GTF2IRD2: variants seen among roughly 807,000 people sequenced by gnomAD.
GTF2IRD2 encodes GTF2I repeat domain containing 2.
Under a neutral mutation model 49.2 loss-of-function variants are expected in GTF2IRD2, and 8 were observed. The ratio of observed to expected loss-of-function variants is 0.16; its 90% CI spans 0.10 to 0.29. The LOEUF is 0.29. Among genes scored for constraint, GTF2IRD2 ranks in the 10% least tolerant of loss-of-function variants. GTF2IRD2 has a pLI of 1.00. For missense variants in GTF2IRD2, 130 were observed against 725.7 expected, an observed-to-expected ratio of 0.18 and a Z score of 9.43; for synonymous variants, 47 against 289.7, an observed-to-expected ratio of 0.16 and a Z score of 8.51.
At chr7:74,809,883 T>C (rs1798021880) in intron 10 of GTF2IRD2, among the ~76,000 whole-genome samples, 2 of 91,620 alleles carry the variant, frequency 2.2e-5, no homozygotes, top group Non-Finnish European at 4.7e-5. Flanking sequence ...AGCCTCCGCC[T>C]CCTAGTTTCA....
intron 3 of GTF2IRD2, among the ~76,000 whole-genome samples, chr7:74,826,082 G>A (rs1418179035): frequency 2.6e-5 from 4 of 151,568 alleles, no homozygotes; most frequent in Non-Finnish European, 2.9e-5. Flanking sequence ...ACCACACCCC[G>A]CCAAGTATAG....
At chr7:74,810,037 GC>G (rs1380787813) in intron 10 of GTF2IRD2, among the ~76,000 whole-genome samples, 3 of 48,030 alleles carry the variant, frequency 6.2e-5, no homozygotes, top group African/African-American at 1.9e-4. Flanking sequence ...CAGGTGATCT[GC>G]CCACCTCAGC....
intron 2 of GTF2IRD2, among the ~76,000 whole-genome samples, chr7:74,833,213 T>C (rs1201109605): frequency 4.0e-5 from 3 of 74,752 alleles, no homozygotes; most frequent in African/African-American, 8.1e-5. Flanking sequence ...CAACCACGCC[T>C]GGCTAATTTG....
At chr7:74,799,921 CAAAA>C (rs1160840166) in intron 15 of GTF2IRD2, among the ~76,000 whole-genome samples, 3 of 13,948 alleles carry the variant, frequency 2.2e-4, no homozygotes, top group African/African-American at 1.5e-3. Context: ...CCTGTCTCTA[CAAAA>C]AAAAAAAAAA....
chr7:74,813,762 G>A (rs1388110362), intron 8 of GTF2IRD2, among the ~76,000 whole-genome samples: 1 of 137,440 alleles, frequency 7.3e-6, no homozygotes, highest in Non-Finnish European at 1.6e-5. Flanking sequence ...TCACCATGTA[G>A]GCCGGGCCGG....
Position 74,836,112 on chromosome 7 carries a change from C to T in GTF2IRD2, c.99+168G>A, listed in dbSNP as rs1322959182. On this transcript the variant is annotated intron_variant, in intron 2 of 15. Coordinates refer to ENST00000451013, the MANE Select transcript of GTF2IRD2 (RefSeq NM_173537.5). ...CTTGAACCCAGGAGGCAGAGGTTGC[C>T]GTGAGCTGAGATTGTGCCACTGCAC... is the stretch of plus-strand genomic sequence containing the variant. Among the ~76,000 whole-genome samples the T allele has an allele frequency of 9.0e-5, 12 of 133,484 alleles. 1 individual carries two copies. Among genetic ancestry groups the T allele is most frequent in the Admixed American group, 4.2e-4 (6 of 14,414 alleles). 87.6% of individuals were successfully genotyped at this position (133,484 alleles called of 152,430 possible).
At chr7:74,802,216 G>C (rs2131640145) in intron 14 of GTF2IRD2, among the ~76,000 whole-genome samples, 1 of 81,340 alleles carries the variant, frequency 1.2e-5, no homozygotes, top group Non-Finnish European at 2.8e-5. Context: ...TCTCGGCTTA[G>C]CGCAACCTCC....
intron 15 of GTF2IRD2, among the ~76,000 whole-genome samples, chr7:74,800,189 T>C (rs1584384069): frequency 7.1e-6 from 1 of 140,400 alleles, no homozygotes. Flanking sequence ...AGCATTTTAA[T>C]AGGATACTTT....
intron 1 of GTF2IRD2, among the ~76,000 whole-genome samples, chr7:74,840,787 G>A (rs1278275899): frequency 2.1e-5 from 3 of 139,856 alleles, no homozygotes; most frequent in Admixed American, 1.4e-4. Flanking sequence ...GGAGAGCCAC[G>A]GGCTGTACTC....
chr7:74,831,504 T>TACACAC (rs4029807), intron 3 of GTF2IRD2, among the ~76,000 whole-genome samples: 6,195 of 117,806 alleles, frequency 0.053, 89 homozygotes, highest in African/African-American at 0.1. Flanking sequence ...TCTCTGTACA[T>TACACAC]ACACACACAC....
At chr7:74,831,132 T>C (rs1799807633) in intron 3 of GTF2IRD2, among the ~76,000 whole-genome samples, 1 of 151,278 alleles carries the variant, frequency 6.6e-6, no homozygotes, top group Non-Finnish European at 1.5e-5. Context: ...TTTTTGATAG[T>C]GGAGACCTTA....
At chr7:74,800,135 C>A (rs1356994245) in intron 15 of GTF2IRD2, among the ~76,000 whole-genome samples, 87 of 125,154 alleles carry the variant, frequency 7.0e-4, no homozygotes, top group Middle Eastern at 3.8e-3. Flanking sequence ...TATAAAAGAT[C>A]AAAAAATCAT....
intron 10 of GTF2IRD2, among the ~76,000 whole-genome samples, chr7:74,809,986 G>C (rs1798032431): frequency 2.0e-5 from 1 of 49,970 alleles, no homozygotes; most frequent in African/African-American, 6.1e-5. Flanking sequence ...TAGAGACAGG[G>C]TATCACCATG....
chr7:74,838,429 A>T, intron 1 of GTF2IRD2, among the ~76,000 whole-genome samples: 1 of 89,586 alleles, frequency 1.1e-5, no homozygotes, highest in Non-Finnish European at 1.9e-5. Context: ...TAGAGACAGG[A>T]TCTCACTCTG....
intron 1 of GTF2IRD2, among the ~76,000 whole-genome samples, chr7:74,847,543 C>CA (rs1243572672): frequency 2.0e-4 from 1 of 4,966 alleles, no homozygotes; most frequent in Non-Finnish European, 3.2e-4. Context: ...ACTAAAAATC[C>CA]AAAAAAAAAG....
At chr7:74,845,651 G>A in intron 1 of GTF2IRD2, among the ~76,000 whole-genome samples, 1 of 152,210 alleles carries the variant, frequency 6.6e-6, no homozygotes, top group Admixed American at 6.5e-5. Context: ...ATGGAGGCAG[G>A]AATGTTGTCT....
At chr7:74,844,354 T>TG (rs1801078542) in intron 1 of GTF2IRD2, among the ~76,000 whole-genome samples, 1 of 38,766 alleles carries the variant, frequency 2.6e-5, no homozygotes, top group African/African-American at 1.4e-4. Flanking sequence ...ATGAGGATTA[T>TG]GTTTTTTTTA....
chr7:74,829,697 T>C (rs1368786763), intron 3 of GTF2IRD2, among the ~76,000 whole-genome samples: 41 of 141,120 alleles, frequency 2.9e-4, no homozygotes, highest in African/African-American at 8.1e-5. Flanking sequence ...CTGGCCAACA[T>C]GGTGAAACCC....
chr7:74,822,847 A>C, intron 4 of GTF2IRD2, 40 bp from the exon 5 acceptor site: 1 of 1,550,176 alleles, frequency 6.5e-7, no homozygotes, highest in Non-Finnish European at 8.7e-7. Flanking sequence ...GTGTGAACCT[A>C]ACGTTCTACC....
Sources: gnomAD v4.1 joint callset for allele counts (sites outside exome capture counted in the v4.1 genomes callset) on GRCh38, gnomAD v4.1.1 for gene constraint, MANE v1.5 for transcripts, NCBI Gene and HGNC (gene_info 2026-07-23, HGNC 2026-07-21) for gene names.